The following TULP4 variants were observed in gnomAD, a reference collection of about 807,000 sequenced individuals.
TULP4 encodes tubby-related protein 4.
Under a neutral mutation model 129.0 loss-of-function variants are expected in TULP4, and 16 were observed. The ratio of observed to expected loss-of-function variants is 0.12; its 90% CI spans 0.08 to 0.19. TULP4 has a LOEUF of 0.19. Among genes scored for constraint, TULP4 ranks in the 10% least tolerant of loss-of-function variants. The pLI, the probability that TULP4 is intolerant of heterozygous loss-of-function variation, is 1.00. For missense variants in TULP4, 1,842 were observed against 2,059.1 expected, an observed-to-expected ratio of 0.89 and a Z score of 2.04; for synonymous variants, 998 against 854.0, an observed-to-expected ratio of 1.17 and a Z score of -2.94.
chr6:158,487,273 T>C (rs1562587257), intron 8 of TULP4, among the ~76,000 whole-genome samples: 1 of 149,800 alleles, frequency 6.7e-6, no homozygotes, highest in Admixed American at 6.7e-5. Flanking sequence ...AATAAGTAAA[T>C]AAAGAAAATA....
At chr6:158,408,814 A>G (rs2114998575) in intron 1 of TULP4, among the ~76,000 whole-genome samples, 1 of 152,352 alleles carries the variant, frequency 6.6e-6, no homozygotes, top group East Asian at 1.9e-4. Flanking sequence ...TAAAATGACC[A>G]CATGTGTCTA....
intron 6 of TULP4, among the ~76,000 whole-genome samples, chr6:158,472,794 G>C (rs1266317770): frequency 6.6e-6 from 1 of 152,194 alleles, no homozygotes; most frequent in East Asian, 1.9e-4. Flanking sequence ...TGATTTACTT[G>C]TAACAGCAAT....
chr6:158,324,181 ACTGAGAGAAAGGAT>A (rs1779696060), intron 1 of TULP4, among the ~76,000 whole-genome samples: 1 of 152,240 alleles, frequency 6.6e-6, no homozygotes, highest in African/African-American at 2.4e-5. Context: ...CAGTGGGAAC[ACTGAGAGAAAGGAT>A]CTGCATAGTG....
chr6:158,410,339 G>A (rs542987871), intron 1 of TULP4, among the ~76,000 whole-genome samples: 1 of 152,224 alleles, frequency 6.6e-6, no homozygotes, highest in African/African-American at 2.4e-5. Context: ...TTTTCATGGA[G>A]AGGTTTGTTT....
At chr6:158,234,902 C>T (rs1257518792) in intron 1 of TULP4, among the ~76,000 whole-genome samples, 1 of 152,150 alleles carries the variant, frequency 6.6e-6, no homozygotes, top group Non-Finnish European at 1.5e-5. Flanking sequence ...TGTGGTGGCT[C>T]CCGCCTATAA....
intron 1 of TULP4, among the ~76,000 whole-genome samples, chr6:158,307,138 A>T (rs1018958284): frequency 6.6e-6 from 1 of 152,234 alleles, no homozygotes; most frequent in Middle Eastern, 3.2e-3. Flanking sequence ...AAAACATTTA[A>T]TAATAAGAGT....
At position 158,453,907 on chromosome 6, in the gene TULP4, C is replaced by T. The variant is rs1031097386; in HGVS notation, c.859+1639C>T. On this transcript the variant is annotated intron_variant, in intron 5 of 13. Coordinates refer to ENST00000367097, the MANE Select transcript of TULP4 (RefSeq NM_020245.5). ...GGCGGAGGTTGCAGTGAGCCAAGAC[C>T]GCACCACTGCATTCCGGCCTGGGCA... is the stretch of plus-strand genomic sequence containing the variant. 8.6e-5 allele frequency among the ~76,000 whole-genome samples: 13 copies of T among 151,718 alleles called. 1 individual carries two copies. In the South Asian group the frequency reaches 2.5e-3, roughly 29 times the overall value.
chr6:158,479,287 C>G (rs1477117059), intron 6 of TULP4, among the ~76,000 whole-genome samples: 1 of 152,120 alleles, frequency 6.6e-6, no homozygotes, highest in Non-Finnish European at 1.5e-5. Context: ...GGTGATTGCC[C>G]CTACTAGTAG....
chr6:158,433,495 A>G (rs1331127966), intron 3 of TULP4, among the ~76,000 whole-genome samples: 1 of 152,186 alleles, frequency 6.6e-6, no homozygotes, highest in Non-Finnish European at 1.5e-5. Flanking sequence ...CAGGTAGATC[A>G]CGAGGTCAGG....
chr6:158,308,652 C>T (rs892470470), upstream of TULP4, among the ~76,000 whole-genome samples: 5 of 147,390 alleles, frequency 3.4e-5, no homozygotes, highest in South Asian at 2.2e-4. Flanking sequence ...ACCTCCCTCT[C>T]GGACGGGGCG....
At chr6:158,234,236 A>G (rs1777647224) in intron 1 of TULP4, among the ~76,000 whole-genome samples, 1 of 152,222 alleles carries the variant, frequency 6.6e-6, no homozygotes, top group African/African-American at 2.4e-5. Flanking sequence ...ACCTACCAAA[A>G]CTCTGAATAG....
At chr6:158,428,456 A>G (rs1778553602) in intron 2 of TULP4, 1 of 152,226 alleles carries the variant, frequency 6.6e-6, no homozygotes, top group East Asian at 1.9e-4. Context: ...CAATACCTCT[A>G]AATTGGACTC....
At chr6:158,329,266 G>A (rs1026532169) in intron 1 of TULP4, among the ~76,000 whole-genome samples, 34 of 152,068 alleles carry the variant, frequency 2.2e-4, no homozygotes, top group African/African-American at 8.0e-4. Context: ...AAAATACAGA[G>A]GAGATTGTCT....
intron 8 of TULP4, among the ~76,000 whole-genome samples, chr6:158,487,115 G>A (rs563034358): frequency 2.4e-4 from 36 of 152,272 alleles, no homozygotes; most frequent in African/African-American, 8.2e-4. Context: ...GGGTGTGGTG[G>A]CAGGTGCCTA....
chr6:158,432,444 C>G (rs1778652706), intron 3 of TULP4, among the ~76,000 whole-genome samples: 1 of 152,254 alleles, frequency 6.6e-6, no homozygotes, highest in East Asian at 1.9e-4. Context: ...TTCCTGCTTC[C>G]CTGAGAACTT....
At chr6:158,325,635 G>A (rs779228231) in intron 1 of TULP4, among the ~76,000 whole-genome samples, 35 of 152,116 alleles carry the variant, frequency 2.3e-4, no homozygotes, top group Middle Eastern at 6.3e-3. Context: ...TCAGGCGTGA[G>A]CCACCGCGCC....
intron 1 of TULP4, among the ~76,000 whole-genome samples, chr6:158,349,133 G>GGGCAGCT (rs1780411550): frequency 7.3e-6 from 1 of 137,268 alleles, no homozygotes; most frequent in Admixed American, 7.1e-5. Context: ...CTTCCCAGAT[G>GGGCAGCT]GGGCAGCTGG....
intron 1 of TULP4, among the ~76,000 whole-genome samples, chr6:158,306,069 C>T (rs139316620): frequency 5.2e-4 from 79 of 152,040 alleles, no homozygotes; most frequent in African/African-American, 1.8e-3. Flanking sequence ...ATTTTTGTAT[C>T]CATTATGCAT....
chr6:158,291,314 C>T (rs1778936213), intron 1 of TULP4, among the ~76,000 whole-genome samples: 3 of 152,164 alleles, frequency 2.0e-5, no homozygotes. Context: ...AAAAGACAAT[C>T]TTTCTGGGAA....
Sources: gnomAD v4.1 joint callset for allele counts (sites outside exome capture counted in the v4.1 genomes callset) on GRCh38, gnomAD v4.1.1 for gene constraint, MANE v1.5 for transcripts, NCBI Gene and HGNC (gene_info 2026-07-23, HGNC 2026-07-21) for gene names.